AP4M1: variants seen among roughly 807,000 people sequenced by gnomAD.
AP4M1 encodes adaptor related protein complex 4 subunit mu 1.
AP4M1 carries 58 observed loss-of-function variants against 62.4 expected under a neutral mutation model. The ratio of observed to expected loss-of-function variants is 0.93; its 90% CI spans 0.75 to 1.16. The LOEUF (loss-of-function observed/expected upper bound fraction) is 1.16. Among genes scored for constraint, AP4M1 ranks in the 50% most tolerant of loss-of-function variants. AP4M1 has a pLI of 0.00. For missense variants in AP4M1, 626 were observed against 585.4 expected (o/e 1.07, Z -0.72); for synonymous variants, 290 against 239.7 (o/e 1.21, Z -1.94).
Position 100,102,003 on chromosome 7 carries a change from T to C in AP4M1, c.147+35T>C, listed in dbSNP as rs2293481. On this transcript the variant is annotated intron_variant, in intron 2 of 14. Transcript: ENST00000359593. The stretch of plus-strand genomic sequence containing the variant: ...GGCGGGAGGCGGGTGAGGAGCGGGG[T>C]CCCGTCGGGCCGGGTGGGCGCCAGC... 937,902 of 1,609,696 alleles carry C rather than the reference T, an allele frequency of 0.58. 276,562 individuals carry two copies. The highest frequency in any genetic ancestry group is 0.86 in the East Asian group (38,752 of 44,800).
intron 1 of AP4M1, 41 bp from the exon 2 acceptor site, chr7:100,101,839 C>T (rs1796065096): frequency 6.2e-7 from 1 of 1,612,314 alleles, no homozygotes; most frequent in Non-Finnish European, 8.5e-7. Flanking sequence ...CAGGGCCAGC[C>T]TGTGTCGCAG....
Position 100,104,169 on chromosome 7 carries a change from C to T in AP4M1, c.606+15C>T. ...TAGCATCTAATGTAAGTTTGAGCTC[C>T]CAAACCTGGAGCTGAGGACAGATGG... is the stretch of plus-strand genomic sequence containing the variant. On this transcript the variant is annotated intron_variant, in intron 7 of 14. Transcript: ENST00000359593. 6.2e-7 allele frequency: 1 copy of T among 1,612,466 alleles called. No individual in the cohort carries two copies. The highest frequency in any genetic ancestry group is 8.5e-7 in the Non-Finnish European group (1 of 1,178,724).
In AP4M1 at chr7:100,104,081, CTCTT is replaced by C. The variant is rs1796278104; in HGVS notation, c.544-7_544-4del. 3.1e-6 allele frequency: 5 copies of C among 1,613,536 alleles called. No homozygotes were observed. The highest frequency in any genetic ancestry group is 2.2e-5 in the East Asian group (1 of 44,878). ...CTGCTTCCAACCACCCAAATTCTCTCTCTTTCTCAGAGCCAAAAGAATGAAGTTT... is the reference window on the plus strand; with the variant it reads ...CTGCTTCCAACCACCCAAATTCTCTCTCTCAGAGCCAAAAGAATGAAGTTT... On this transcript the variant is annotated splice_polypyrimidine_tract_variant and splice_region_variant and intron_variant, in intron 6 of 14. Coordinates refer to ENST00000359593, the MANE Select transcript of AP4M1 (RefSeq NM_004722.4).
intron 13 of AP4M1, 40 bp downstream of exon 13, chr7:100,106,331 AGAGT>A: frequency 3.1e-6 from 5 of 1,613,394 alleles, no homozygotes; most frequent in Non-Finnish European, 3.4e-6. Flanking sequence ...TCCTGGGGAG[AGAGT>A]GAGCTCAGCA....
Position 100,105,519 on chromosome 7 carries a change from G to A in AP4M1, c.909G>A (p.Gln303=). The A allele has an allele frequency of 6.2e-7, 1 of 1,613,644 alleles. No individual in the cohort carries two copies. The highest frequency in any genetic ancestry group is 1.1e-5 in the South Asian group (1 of 91,086). The change falls in exon 11 of 15, where the codon CAG becomes CAA. Residue 303 remains glutamine (Q), a synonymous_variant. Transcript: ENST00000359593. ...CCTTCCGGCTCTTCCCCTCTGTGCA[G>A]TGGGACCGAGGCTCAGGCCGGTGAG... ...PLPFRLFPSV[Q]WDRGSGRLQV...
intron 4 of AP4M1, 121 bp downstream of exon 4, chr7:100,103,081 T>G: frequency 1.2e-6 from 1 of 864,902 alleles, no homozygotes; most frequent in Non-Finnish European, 1.8e-6. Context: ...TTTTTTTTTT[T>G]TGCTTTTAGA....
At chr7:100,104,445 G>T (rs1227105881) in intron 7 of AP4M1, among the ~76,000 whole-genome samples, 3 of 152,000 alleles carry the variant, frequency 2.0e-5, no homozygotes, top group Non-Finnish European at 4.4e-5. Flanking sequence ...GATCACTTGA[G>T]CCCAGGAGGT....
At chr7:100,103,168 C>T in intron 4 of AP4M1, 1 of 649,888 alleles carries the variant, frequency 1.5e-6, no homozygotes, top group African/African-American at 1.8e-5. Context: ...AACTCCTGGG[C>T]TCAAGCCGTC....
At position 100,103,510 on chromosome 7, in the gene AP4M1, C is replaced by G; in HGVS notation, c.453C>G (p.Ser151Arg). Residue 151 changes from serine to arginine, a missense_variant, in exon 5 of 15, where the codon AGC (serine) becomes AGG (arginine). By Grantham distance (110) the Ser-to-Arg change is moderately radical. Transcript: ENST00000359593. ...CCTTCAGCCTCTTTGACCTCAGCAG[C>G]GTTGGCTTGGTCAGTAGAGGGAAAG... ...SKPFSLFDLS[S>R]VGLFGAETQQ... 1 of 1,614,086 alleles carries G rather than the reference C, an allele frequency of 6.2e-7. No homozygotes were observed. The highest frequency in any genetic ancestry group is 8.5e-7 in the Non-Finnish European group (1 of 1,179,998).
intron 6 of AP4M1, among the ~76,000 whole-genome samples, 191 bp from the exon 7 acceptor site, chr7:100,103,901 A>G (rs532439676): frequency 4.0e-5 from 6 of 151,078 alleles, no homozygotes; most frequent in South Asian, 2.1e-4. Flanking sequence ...AAAAAAAAAA[A>G]AAAAAGAAAA....
intron 13 of AP4M1, 43 bp downstream of exon 13, chr7:100,106,334 G>C (rs945629707): frequency 1.1e-5 from 18 of 1,613,428 alleles, no homozygotes; most frequent in Non-Finnish European, 1.3e-5. Context: ...TGGGGAGAGA[G>C]TGAGCTCAGC....
At position 100,104,078 on chromosome 7, in the gene AP4M1, T is replaced by C; in HGVS notation, c.544-14T>C. On this transcript the variant is annotated splice_polypyrimidine_tract_variant and intron_variant, in intron 6 of 14. Coordinates refer to ENST00000359593, the MANE Select transcript of AP4M1 (RefSeq NM_004722.4). ...ATTCTGCTTCCAACCACCCAAATTC[T>C]CTCTCTTTCTCAGAGCCAAAAGAAT... 1 of 1,613,412 alleles carries C rather than the reference T, an allele frequency of 6.2e-7. No homozygotes were observed. The highest frequency in any genetic ancestry group is 8.5e-7 in the Non-Finnish European group (1 of 1,179,522).
chr7:100,107,302 T>G lies in AP4M1; in HGVS notation c.*420T>G. On this transcript the variant is annotated 3_prime_UTR_variant, in exon 15 of 15. Coordinates refer to ENST00000359593, the MANE Select transcript of AP4M1 (RefSeq NM_004722.4). The stretch of plus-strand genomic sequence containing the variant: ...GGCTGGGAGCCATTGGCTTTTGGAG[T>G]CCCTGGAGCTGGAGGGGGACTGTCC... 6.6e-7 allele frequency: 1 copy of G among 1,522,948 alleles called. No individual in the cohort carries two copies. The allele number at this position is 1,522,948 out of a possible 1,614,324, so 94.3% of individuals were successfully genotyped here. A position where few individuals can be genotyped will look rare whatever the true frequency, so the allele number is the denominator to read the frequency against.
At chr7:100,102,089 G>T (rs1796091627) in intron 2 of AP4M1, 121 bp downstream of exon 2, 1 of 1,157,410 alleles carries the variant, frequency 8.6e-7, no homozygotes, top group Non-Finnish European at 1.3e-6. Context: ...GCCAAATAAA[G>T]CTAACGTGAG....
intron 6 of AP4M1, 92 bp downstream of exon 6, chr7:100,103,784 G>C: frequency 7.2e-7 from 1 of 1,383,256 alleles, no homozygotes; most frequent in Non-Finnish European, 1.0e-6. Flanking sequence ...GCTCACGCCT[G>C]TAGTCCCAGC....
At chr7:100,106,139 G>A in intron 12 of AP4M1, 102 bp from the exon 13 acceptor site, 3 of 1,550,866 alleles carry the variant, frequency 1.9e-6, no homozygotes, top group Non-Finnish European at 1.8e-6. Context: ...AATTTGGGAA[G>A]GTGGGGGGCA....
upstream of AP4M1, chr7:100,101,567 A>G (rs1012650279): frequency 1.2e-5 from 11 of 890,772 alleles, no homozygotes; most frequent in South Asian, 2.8e-5. Flanking sequence ...GGGGTAGTGC[A>G]GGCGCCGGGT....
chr7:100,105,080 G>C lies in AP4M1; in HGVS notation c.709G>C (p.Gly237Arg). The change falls in exon 9 of 15, where the codon GGG becomes CGG. Residue 237 changes from glycine to arginine, a missense_variant. Gly to Arg is a moderately radical substitution (Grantham distance 125). Transcript: ENST00000359593. ...RIGLTEEFCV[G>R]KSELRGYGPG... ...TGGCTTGACGGAAGAGTTTTGTGTG[G>C]GGAAGTCAGAGCTGAGAGGTGAGGA... The C allele has an allele frequency of 6.2e-7, 1 of 1,614,166 alleles. No individual in the cohort carries two copies.
Position 100,108,631 on chromosome 7 carries a change from G to A in AP4M1, c.*1749G>A. 1 of 1,417,988 alleles carries A rather than the reference G, an allele frequency of 7.1e-7. No homozygotes were observed. The highest frequency in any genetic ancestry group is 2.3e-5 in the East Asian group (1 of 43,430). The allele number at this position is 1,417,988 out of a possible 1,614,324, so 87.8% of individuals were successfully genotyped here. ...TGGTGACACTCTTGAGAAGAACCTT[G>A]GGGATGGGGTAAAAAAGGACATTCC... On this transcript the variant is annotated 3_prime_UTR_variant, in exon 15 of 15. Coordinates refer to ENST00000359593, the MANE Select transcript of AP4M1 (RefSeq NM_004722.4).
Sources: allele counts gnomAD v4.1 joint callset (sites outside exome capture counted in the v4.1 genomes callset), GRCh38; gene constraint gnomAD v4.1.1; transcripts MANE v1.5; gene names NCBI Gene and HGNC (gene_info 2026-07-23, HGNC 2026-07-21).